The following ZNF8 variants were observed in gnomAD, a reference collection of about 807,000 sequenced individuals.
ZNF8 encodes zinc finger protein 8, also known as zinc finger protein 272.
Under a neutral mutation model 12.2 loss-of-function variants are expected in ZNF8, and 9 were observed. The observed-to-expected ratio is 0.73, with a 90% CI of 0.44 to 1.28. The LOEUF is 1.28. ZNF8 is among the 50% of genes most tolerant of loss of function. ZNF8 has a pLI of 0.00. For synonymous variants in ZNF8, 274 were observed against 282.3 expected, an observed-to-expected ratio of 0.97 and a Z score of 0.30; for missense variants, 664 against 729.1, an observed-to-expected ratio of 0.91 and a Z score of 1.03.
intron 3 of ZNF8, 194 bp downstream of exon 3, chr19:58,286,399 T>C: frequency 2.0e-6 from 1 of 512,624 alleles, no homozygotes; most frequent in South Asian, 2.3e-5. Flanking sequence ...CGCGTGGGGA[T>C]AAGTTCAGAG....
chr19:58,300,074 C>A lies in ZNF8; in HGVS notation c.*4538C>A, dbSNP rs1291720876. Reference sequence around the variant, plus strand: ...TAACCTCCATTCGCATAGCTAAATGCTGCACCCTCCGACACTGCCACAATA... The same window carrying A: ...TAACCTCCATTCGCATAGCTAAATGATGCACCCTCCGACACTGCCACAATA... On this transcript the variant is annotated 3_prime_UTR_variant, in exon 4 of 4. Coordinates refer to ENST00000621650, the MANE Select transcript of ZNF8 (RefSeq NM_021089.3). 2 of 152,248 alleles carry A rather than the reference C, an allele frequency of 1.3e-5. No individual in the cohort carries two copies. Among genetic ancestry groups the A allele is most frequent in the Non-Finnish European group, 2.9e-5 (2 of 68,052 alleles). The allele number at this position is 152,248 out of a possible 1,614,324, so 9.4% of individuals were successfully genotyped here.
intron 3 of ZNF8, among the ~76,000 whole-genome samples, chr19:58,290,534 A>AT (rs113113825): frequency 1.0e-3 from 151 of 150,770 alleles, no homozygotes; most frequent in African/African-American, 2.6e-3. Flanking sequence ...TAGAGAGTAA[A>AT]TTTTTTTTTT....
chr19:58,294,619 C>T lies in ZNF8; in HGVS notation c.811C>T (p.His271Tyr). 1 of 1,614,170 alleles carries T rather than the reference C, an allele frequency of 6.2e-7. No homozygotes were observed. Among genetic ancestry groups the T allele is most frequent in the Non-Finnish European group, 8.5e-7 (1 of 1,180,046 alleles). Residue 271 changes from histidine (H) to tyrosine (Y), a missense_variant, in exon 4 of 4, where the codon CAC becomes TAC. Coordinates refer to ENST00000621650, the MANE Select transcript of ZNF8 (RefSeq NM_021089.3). The surrounding 1 kb of genome is among the most constrained non-coding windows in gnomAD (Gnocchi z 5.5). The stretch of plus-strand genomic sequence containing the variant: ...TGGGAAGTCGTTTAACCATAACGCA[C>T]ACCTCACCGTGCACAAGAGGATTCA... The part of the protein sequence containing the change: ...DCGKSFNHNA[H>Y]LTVHKRIHTG...
Position 58,294,711 on chromosome 19 carries a change from C to T in ZNF8, c.903C>T (p.Val301=), listed in dbSNP as rs762404184. Residue 301 remains valine, a synonymous_variant, in exon 4 of 4, where the codon GTC becomes GTT. Transcript: ENST00000621650. The surrounding 1 kb of genome is among the most constrained non-coding windows in gnomAD (Gnocchi z 5.5). The part of the protein sequence containing the change: ...GKAFSQNSSL[V]QHERIHTGDK... ...CCTTCAGCCAGAACTCCTCCCTCGT[C>T]CAGCATGAGCGCATCCACACTGGAG... The T allele has an allele frequency of 6.8e-6, 11 of 1,613,922 alleles. No homozygotes were observed. The highest frequency in any genetic ancestry group is 1.1e-5 in the South Asian group (1 of 91,082).
At chr19:58,291,915 A>T (rs2051421756) in intron 3 of ZNF8, among the ~76,000 whole-genome samples, 1 of 152,022 alleles carries the variant, frequency 6.6e-6, no homozygotes, top group Non-Finnish European at 1.5e-5. Context: ...GTGAGGAGCC[A>T]TGTGGAGCAG....
Position 58,285,800 on chromosome 19 carries a change from C to G in ZNF8, c.150C>G (p.Tyr50Ter), listed in dbSNP as rs762673608. The change falls in exon 2 of 4, where the codon TAC (tyrosine) becomes TAG (stop). Residue 50 changes from tyrosine (Y) to a stop codon, truncating the protein, a stop_gained. Coordinates refer to ENST00000621650, the MANE Select transcript of ZNF8 (RefSeq NM_021089.3). LOFTEE classifies it high-confidence loss of function. ...GQLDPTQRIL[Y>*]RDVMLETFGH... ...TGGACCCTACCCAGAGGATCCTCTA[C>G]CGTGACGTGATGCTGGAGACCTTTG... The G allele has an allele frequency of 1.2e-6, 2 of 1,613,912 alleles. No individual in the cohort carries two copies. The highest frequency in any genetic ancestry group is 1.7e-6 in the Non-Finnish European group (2 of 1,179,958).
chr19:58,279,347 G>C (rs374431), intron 1 of ZNF8, 200 bp downstream of exon 1: 956,040 of 1,467,348 alleles, frequency 0.65, 312,700 homozygotes, highest in Middle Eastern at 0.75. Context: ...CAGGCGCCTG[G>C]CCCCCGAATG....
At chr19:58,287,408 G>A (rs967783431) in intron 3 of ZNF8, among the ~76,000 whole-genome samples, 5 of 144,452 alleles carry the variant, frequency 3.5e-5, no homozygotes, top group Admixed American at 7.4e-5. Context: ...TCATGGCTCA[G>A]TGCAGCCTCA....
rs184164317 is a variant in ZNF8, at chr19:58,296,749, A to G, written c.*1213A>G. 5.2e-5 allele frequency: 8 copies of G among 152,434 alleles called. No homozygotes were observed. The highest frequency in any genetic ancestry group is 3.8e-4 in the East Asian group (2 of 5,200). 9.4% of individuals were successfully genotyped at this position (152,434 alleles called of 1,614,324 possible). On this transcript the variant is annotated 3_prime_UTR_variant, in exon 4 of 4. Coordinates refer to ENST00000621650, the MANE Select transcript of ZNF8 (RefSeq NM_021089.3). ...GGCACATTTGGTGACATCTAGGGAC[A>G]TTTTTGGTTGCTGTGCCTGGAGGAA...
Position 58,294,630 on chromosome 19 carries a change from G to C in ZNF8, c.822G>C (p.Val274=). The C allele has an allele frequency of 6.2e-7, 1 of 1,614,164 alleles. No homozygotes were observed. The part of the protein sequence containing the change: ...KSFNHNAHLT[V]HKRIHTGERP... Reference sequence around the variant, plus strand: ...TTAACCATAACGCACACCTCACCGTGCACAAGAGGATTCATACGGGAGAAA... The same window carrying C: ...TTAACCATAACGCACACCTCACCGTCCACAAGAGGATTCATACGGGAGAAA... The change falls in exon 4 of 4, where the codon GTG becomes GTC. Residue 274 remains valine, a synonymous_variant. Coordinates refer to ENST00000621650, the MANE Select transcript of ZNF8 (RefSeq NM_021089.3). This position sits in a 1 kb window ranked among gnomAD's most constrained non-coding sequence, Gnocchi z 5.5.
intron 1 of ZNF8, chr19:58,279,667 T>G (rs751100307): frequency 2.6e-6 from 4 of 1,532,828 alleles, no homozygotes; most frequent in Non-Finnish European, 3.5e-6. Flanking sequence ...CACCACGCAC[T>G]GAGTGTGATG....
At chr19:58,280,499 G>C (rs1482371986) in intron 1 of ZNF8, 1 of 152,792 alleles carries the variant, frequency 6.5e-6, no homozygotes, top group East Asian at 1.9e-4. Context: ...CAACCTTGTT[G>C]AGTGTTGGAG....
chr19:58,284,663 A>G (rs926239652), intron 1 of ZNF8, among the ~76,000 whole-genome samples: 1 of 152,184 alleles, frequency 6.6e-6, no homozygotes, highest in African/African-American at 2.4e-5. Flanking sequence ...AACCTGGCCA[A>G]CATGGTAAAA....
chr19:58,292,067 G>T (rs1326231135), intron 3 of ZNF8, among the ~76,000 whole-genome samples: 1 of 152,052 alleles, frequency 6.6e-6, no homozygotes, highest in African/African-American at 2.4e-5. Flanking sequence ...AGGAGGGTGG[G>T]TCTGTTTGGT....
Position 58,294,470 on chromosome 19 carries a change from C to G in ZNF8, c.662C>G (p.Thr221Arg). Residue 221 changes from threonine (T) to arginine (R), a missense_variant, in exon 4 of 4, where the codon ACA (threonine) becomes AGA (arginine). Physicochemically the swap from Thr to Arg is moderately conservative, Grantham distance 71. This residue lies in a region of ZNF8 where 306 missense variants were observed against 308.7 expected (regional missense o/e 0.99). Transcript: ENST00000621650. This position sits in a 1 kb window ranked among gnomAD's most constrained non-coding sequence, Gnocchi z 5.5. ...AACTCCAGCTTAGTCAGTCAGCAGA[C>G]AGGCTCCCCAGGAAAACAGCCCGGT... The part of the protein sequence containing the change: ...EHNSSLVSQQ[T>R]GSPGKQPGEN... 1 of 1,614,158 alleles carries G rather than the reference C, an allele frequency of 6.2e-7. No individual in the cohort carries two copies.
intron 1 of ZNF8, among the ~76,000 whole-genome samples, chr19:58,284,654 A>T (rs1292083769): frequency 6.6e-6 from 1 of 152,136 alleles, no homozygotes; most frequent in Non-Finnish European, 1.5e-5. Flanking sequence ...TTCGAGACCA[A>T]CCTGGCCAAC....
chr19:58,286,890 TCCTC>T (rs2051386493), intron 3 of ZNF8: 1 of 152,334 alleles, frequency 6.6e-6, no homozygotes, highest in Admixed American at 6.6e-5. Flanking sequence ...TCCCACCCCT[TCCTC>T]CCTCTCTGCT....
At position 58,284,237 on chromosome 19, in the gene ZNF8, AT is replaced by A. The variant is rs541669899; in HGVS notation, c.67-1479del. On this transcript the variant is annotated intron_variant, in intron 1 of 3. Transcript: ENST00000621650. ...AGACTCCCATCTCGAGAAAAAAAAAATAATAAATTATTCAGTCTGTGATATT... is the reference window on the plus strand; with the variant it reads ...AGACTCCCATCTCGAGAAAAAAAAAAAATAAATTATTCAGTCTGTGATATT... 2.4e-4 allele frequency among the ~76,000 whole-genome samples: 37 copies of A among 151,324 alleles called. No homozygotes were observed. In the South Asian group the frequency reaches 5.9e-3, roughly 24 times the overall value.
rs2051483191 is a variant in ZNF8 at position 58,300,228 on chromosome 19, C to G, written c.*4692C>G. On this transcript the variant is annotated 3_prime_UTR_variant, in exon 4 of 4. Coordinates refer to ENST00000621650, the MANE Select transcript of ZNF8 (RefSeq NM_021089.3). The stretch of plus-strand genomic sequence containing the variant: ...GTGGAGTTAGAATTTGATGTCAGCA[C>G]CCAGCTGACCATGGCTTAAACAGAT... 1 of 152,232 alleles carries G rather than the reference C, an allele frequency of 6.6e-6. No individual in the cohort carries two copies. The allele number at this position is 152,232 out of a possible 1,614,324, so 9.4% of individuals were successfully genotyped here. A position where few individuals can be genotyped will look rare whatever the true frequency, so the allele number is the denominator to read the frequency against.
Sources: allele counts gnomAD v4.1 joint callset (sites outside exome capture counted in the v4.1 genomes callset), GRCh38; gene constraint gnomAD v4.1.1; regional missense constraint gnomAD v4.1.1; non-coding constraint Gnocchi (gnomAD v3.1); transcripts MANE v1.5; gene names NCBI Gene and HGNC (gene_info 2026-07-23, HGNC 2026-07-21).